PIP5K1A: variants seen among roughly 807,000 people sequenced by gnomAD.
PIP5K1A encodes phosphatidylinositol 4-phosphate 5-kinase type-1 alpha.
In PIP5K1A, 46 loss-of-function variants were observed where a neutral mutation model predicts 72.9. The observed-to-expected ratio is 0.63, with a 90% CI of 0.50 to 0.81. PIP5K1A has a LOEUF of 0.81. Among genes scored for constraint, PIP5K1A ranks in the 30% least tolerant of loss-of-function variants. The pLI is 0.00. For synonymous variants in PIP5K1A, 228 were observed against 255.1 expected, an observed-to-expected ratio of 0.89 and a Z score of 1.01; for missense variants, 458 against 706.1, an observed-to-expected ratio of 0.65 and a Z score of 3.98.
At chr1:151,216,348 CAA>C (rs587687791) in intron 1 of PIP5K1A, among the ~76,000 whole-genome samples, 10 of 53,346 alleles carry the variant, frequency 1.9e-4, no homozygotes, top group Admixed American at 2.1e-4. Flanking sequence ...GACTCCGTCT[CAA>C]AAAAAAAAAA....
rs1686959823 is a variant in PIP5K1A at position 151,212,478 on chromosome 1, CA to C, written c.86-11765del. On this transcript the variant is annotated intron_variant, in intron 1 of 15. Coordinates refer to ENST00000368888, the MANE Select transcript of PIP5K1A (RefSeq NM_001135638.2). The stretch of plus-strand genomic sequence containing the variant: ...CCCCAGTACCTCTTCACCACAAACA[CA>C]ATTAAAGGTGGGGCCGAGGATCAAA... 2.6e-5 allele frequency among the ~76,000 whole-genome samples: 4 copies of C among 152,116 alleles called. No homozygotes were observed. The South Asian group carries it at 8.3e-4, about 32-fold the overall frequency.
At chr1:151,233,495 A>G (rs4971017) in intron 7 of PIP5K1A, 128,292 of 152,078 alleles carry the variant, frequency 0.84, 54,406 homozygotes, top group Non-Finnish European at 0.87. Context: ...GTAGAGATGG[A>G]GTTTCACCAT....
chr1:151,227,960 C>T (rs1325732939), intron 4 of PIP5K1A, among the ~76,000 whole-genome samples: 2 of 152,082 alleles, frequency 1.3e-5, no homozygotes, highest in African/African-American at 4.8e-5. Flanking sequence ...ACTGGGTTTC[C>T]CTGTTAGGTA....
chr1:151,199,289 T>C (rs749671979), intron 1 of PIP5K1A: 55 of 1,018,210 alleles, frequency 5.4e-5, no homozygotes, highest in Admixed American at 8.5e-5. Flanking sequence ...ACTTTGGTTG[T>C]CTTTGAGGAG....
chr1:151,241,984 G>C (rs1282683748), intron 12 of PIP5K1A, 139 bp from the exon 13 acceptor site: 1 of 768,536 alleles, frequency 1.3e-6, no homozygotes, highest in African/African-American at 1.7e-5. Flanking sequence ...TCATAGGCCT[G>C]TCTTTGTTGA....
At chr1:151,216,409 A>G (rs1426253227) in intron 1 of PIP5K1A, among the ~76,000 whole-genome samples, 1 of 151,932 alleles carries the variant, frequency 6.6e-6, no homozygotes, top group Non-Finnish European at 1.5e-5. Context: ...GTCTTCTTCT[A>G]AGAAGGCTGT....
In PIP5K1A at chr1:151,248,650, CAGG is replaced by C. The variant is rs1442584930; in HGVS notation, c.*789_*791del. On this transcript the variant is annotated 3_prime_UTR_variant, in exon 16 of 16. Coordinates refer to ENST00000368888, the MANE Select transcript of PIP5K1A (RefSeq NM_001135638.2). ...GTAATCTTTATCCCTTTTGTTAAAA[CAGG>C]AGGCAGCCATGGGCTGGGAGATCAT... The C allele has an allele frequency of 1.3e-5, 2 of 152,628 alleles. No homozygotes were observed. Among genetic ancestry groups the C allele is most frequent in the African/African-American group, 4.8e-5 (2 of 41,446 alleles). 9.5% of individuals were successfully genotyped at this position (152,628 alleles called of 1,614,324 possible).
intron 1 of PIP5K1A, among the ~76,000 whole-genome samples, chr1:151,214,205 T>C (rs1246548072): frequency 6.6e-6 from 1 of 152,236 alleles, no homozygotes; most frequent in Non-Finnish European, 1.5e-5. Flanking sequence ...ATGGGATCTA[T>C]GCAATTATAG....
rs903776545 is a variant in PIP5K1A, at chr1:151,236,877, A to G, written c.1145+114A>G. On this transcript the variant is annotated intron_variant, in intron 9 of 15. Transcript: ENST00000368888. ...TCTTGTTGCCCAGGCTGATGTGCTGATGTGCAATGGCACGATCTCAGCCTA... is the reference window on the plus strand; with the variant it reads ...TCTTGTTGCCCAGGCTGATGTGCTGGTGTGCAATGGCACGATCTCAGCCTA... The G allele has an allele frequency of 5.6e-5, 39 of 694,268 alleles. No homozygotes were observed. The African/African-American group carries it at 8.2e-4, about 15-fold the overall frequency. The allele number at this position is 694,268 out of a possible 1,614,324, so 43.0% of individuals were successfully genotyped here.
intron 3 of PIP5K1A, among the ~76,000 whole-genome samples, chr1:151,224,949 C>A (rs1358298871): frequency 1.3e-5 from 2 of 152,158 alleles, no homozygotes; most frequent in Non-Finnish European, 2.9e-5. Context: ...TCTCTCAGAA[C>A]ATCTTCCAGC....
chr1:151,212,176 G>T (rs1288057188), intron 1 of PIP5K1A, among the ~76,000 whole-genome samples: 1 of 151,978 alleles, frequency 6.6e-6, no homozygotes, highest in Non-Finnish European at 1.5e-5. Flanking sequence ...CTTTGTGGCT[G>T]GTGCGGTAGC....
At chr1:151,216,934 ACG>A (rs1288343540) in intron 1 of PIP5K1A, among the ~76,000 whole-genome samples, 6 of 14,174 alleles carry the variant, frequency 4.2e-4, no homozygotes, top group African/African-American at 1.5e-3. Flanking sequence ...TTTTTTTGAG[ACG>A]GAGTCTCGCT....
intron 3 of PIP5K1A, among the ~76,000 whole-genome samples, chr1:151,225,336 C>T (rs587679831): frequency 8.5e-5 from 13 of 152,168 alleles, no homozygotes; most frequent in Admixed American, 1.3e-4. Context: ...CCTGTTTCCA[C>T]TAGTCTCTCA....
chr1:151,246,995 C>T (rs367748865), intron 15 of PIP5K1A, 30 bp downstream of exon 15: 14 of 1,588,734 alleles, frequency 8.8e-6, no homozygotes, highest in African/African-American at 4.0e-5. Context: ...GGGAGGTGAA[C>T]GTTTTGCAAG....
chr1:151,197,310 G>A (rs184055008), upstream of PIP5K1A, among the ~76,000 whole-genome samples: 18 of 151,390 alleles, frequency 1.2e-4, 1 homozygote, highest in East Asian at 3.5e-3. Flanking sequence ...AGACAGTTTC[G>A]CTCTGTCGTC....
chr1:151,200,921 C>T (rs1389149610), intron 1 of PIP5K1A, among the ~76,000 whole-genome samples: 3 of 152,030 alleles, frequency 2.0e-5, no homozygotes, highest in Non-Finnish European at 2.9e-5. Context: ...GCTCTGCCTC[C>T]CGGGTTCACG....
chr1:151,244,424 C>T (rs1028380910), intron 14 of PIP5K1A, among the ~76,000 whole-genome samples: 9 of 152,104 alleles, frequency 5.9e-5, no homozygotes, highest in African/African-American at 1.2e-4. Flanking sequence ...GAGGTAGAGG[C>T]GGCCAGATTA....
At chr1:151,216,900 GTTTTTTT>G (rs78155966) in intron 1 of PIP5K1A, among the ~76,000 whole-genome samples, 47 of 136,756 alleles carry the variant, frequency 3.4e-4, no homozygotes, top group Non-Finnish European at 6.6e-4. Flanking sequence ...CTTAGTAAAT[GTTTTTTT>G]TTTTTTTTTT....
Position 151,247,977 on chromosome 1 carries a change from A to T in PIP5K1A, c.*112A>T. 1 of 940,250 alleles carries T rather than the reference A, an allele frequency of 1.1e-6. No homozygotes were observed. The allele number at this position is 940,250 out of a possible 1,614,324, so 58.2% of individuals were successfully genotyped here. The stretch of plus-strand genomic sequence containing the variant: ...TCTTCTACTTGGTCATCAAAAAAGG[A>T]GTGTAATAGAAGTGAGGGGAGCTGC... On this transcript the variant is annotated 3_prime_UTR_variant, in exon 16 of 16. Coordinates refer to ENST00000368888, the MANE Select transcript of PIP5K1A (RefSeq NM_001135638.2).
Sources: allele counts gnomAD v4.1 joint callset (sites outside exome capture counted in the v4.1 genomes callset), GRCh38; gene constraint gnomAD v4.1.1; transcripts MANE v1.5; gene names NCBI Gene and HGNC (gene_info 2026-07-23, HGNC 2026-07-21).